The following ALDH1L1 variants were observed in gnomAD, a reference collection of about 807,000 sequenced individuals.
ALDH1L1 encodes cytosolic 10-formyltetrahydrofolate dehydrogenase.
ALDH1L1 carries 68 observed loss-of-function variants against 101.1 expected under a neutral mutation model. That is an observed-to-expected ratio of 0.67 (90% confidence interval 0.55 to 0.82). ALDH1L1 has a LOEUF of 0.82. Among genes scored for constraint, ALDH1L1 ranks in the 40% least tolerant of loss-of-function variants. ALDH1L1 has a pLI of 0.00. For synonymous variants in ALDH1L1, 486 were observed against 470.8 expected (o/e 1.03, Z -0.42); for missense variants, 1,087 against 1,172.7 (o/e 0.93, Z 1.07).
chr3:126,153,783 G>A (rs1337921839), intron 6 of ALDH1L1, among the ~76,000 whole-genome samples: 1 of 152,190 alleles, frequency 6.6e-6, no homozygotes, highest in Admixed American at 6.5e-5. Flanking sequence ...AGTGGCCTCA[G>A]GGAGCTGATG....
chr3:126,104,191 T>C, intron 22 of ALDH1L1: 1 of 334,494 alleles, frequency 3.0e-6, no homozygotes, highest in East Asian at 6.2e-5. Flanking sequence ...TCTTCTCTCA[T>C]GGCTGCCCCC....
At chr3:126,195,861 G>A (rs2081578902) in intron 1 of ALDH1L1, among the ~76,000 whole-genome samples, 1 of 152,016 alleles carries the variant, frequency 6.6e-6, no homozygotes, top group South Asian at 2.1e-4. Context: ...CTATCGCAAG[G>A]ACAAAAAACC....
At chr3:126,125,015 C>G (rs556858991) in intron 15 of ALDH1L1, among the ~76,000 whole-genome samples, 1 of 152,164 alleles carries the variant, frequency 6.6e-6, no homozygotes, top group Non-Finnish European at 1.5e-5. Flanking sequence ...AGGCAGGCAG[C>G]GGGCAGGCTG....
chr3:126,180,888 G>A (rs1231368727), upstream of ALDH1L1: 3 of 1,588,122 alleles, frequency 1.9e-6, no homozygotes, highest in Admixed American at 5.3e-5. Flanking sequence ...GGCTAAGTGG[G>A]TCAGAGGAGA....
chr3:126,112,859 T>A lies in ALDH1L1; in HGVS notation c.2104A>T (p.Asn702Tyr). 6.2e-7 allele frequency: 1 copy of A among 1,613,472 alleles called. No homozygotes were observed. Among genetic ancestry groups the A allele is most frequent in the East Asian group, 2.2e-5 (1 of 44,874 alleles). ...VQMGMSSVFF[N>Y]KGENCIAAGR... ...GCTGCAATGCAATTCTCTCCTTTGT[T>A]GAAGAAAACAGAACTCATCCCCTTC... Residue 702 changes from asparagine (N) to tyrosine (Y), a missense_variant, in exon 19 of 23, where the codon AAC (asparagine) becomes TAC (tyrosine). By Grantham distance (143) the Asn-to-Tyr change is moderately radical. Coordinates refer to ENST00000393434, the MANE Select transcript of ALDH1L1 (RefSeq NM_012190.4).
chr3:126,182,540 G>C (rs1468864033), upstream of ALDH1L1, among the ~76,000 whole-genome samples: 1 of 152,178 alleles, frequency 6.6e-6, no homozygotes, highest in Non-Finnish European at 1.5e-5. Context: ...ATTCTCCTGG[G>C]AAGTCCCCAG....
intron 3 of ALDH1L1, among the ~76,000 whole-genome samples, chr3:126,158,082 CCTGGTGCCCTCTCTGTCCCTGCGCCTT>C (rs1456513336): frequency 1.2e-3 from 184 of 152,166 alleles, no homozygotes; most frequent in Middle Eastern, 3.4e-3. Flanking sequence ...CCCTGCGCCT[CCTGGTGCCCTCTCTGTCCCTGCGCCTT>C]CTGGTGCCCT....
chr3:126,136,083 C>T (rs543904727), intron 11 of ALDH1L1, among the ~76,000 whole-genome samples: 22 of 152,310 alleles, frequency 1.4e-4, no homozygotes, highest in African/African-American at 5.1e-4. Flanking sequence ...CCTGATGCTC[C>T]GTCCCAAGGG....
chr3:126,166,254 C>T (rs778765634), intron 1 of ALDH1L1, among the ~76,000 whole-genome samples: 12 of 152,218 alleles, frequency 7.9e-5, no homozygotes, highest in Non-Finnish European at 1.3e-4. Flanking sequence ...GCATTGCTCA[C>T]GTTCATGTCC....
intron 9 of ALDH1L1, among the ~76,000 whole-genome samples, chr3:126,140,860 T>C (rs1286641376): frequency 6.6e-6 from 1 of 151,786 alleles, no homozygotes; most frequent in Non-Finnish European, 1.5e-5. Flanking sequence ...AAGGACAGTA[T>C]AGAGAAACTG....
At chr3:126,143,023 C>T (rs905696277) in intron 9 of ALDH1L1, among the ~76,000 whole-genome samples, 3 of 152,188 alleles carry the variant, frequency 2.0e-5, no homozygotes, top group South Asian at 2.1e-4. Flanking sequence ...TGAACATCAG[C>T]GCTTAGCCTA....
At chr3:126,110,214 A>G in intron 19 of ALDH1L1, 105 bp from the exon 20 acceptor site, 1 of 1,439,704 alleles carries the variant, frequency 6.9e-7, no homozygotes, top group East Asian at 2.3e-5. Flanking sequence ...GAAAGTCCAC[A>G]CTCTGTTCTA....
intron 16 of ALDH1L1, among the ~76,000 whole-genome samples, chr3:126,118,677 C>A (rs555041938): frequency 6.6e-6 from 1 of 152,314 alleles, no homozygotes; most frequent in East Asian, 1.9e-4. Context: ...AAGGTGAGGG[C>A]ACCAAACCTT....
At chr3:126,150,613 G>T (rs2080790637) in intron 7 of ALDH1L1, 82 bp from the exon 8 acceptor site, 1 of 1,457,272 alleles carries the variant, frequency 6.9e-7, no homozygotes, top group African/African-American at 1.4e-5. Flanking sequence ...GGAGTGCAGT[G>T]GTGCGATCTC....
chr3:126,131,476 C>T lies in ALDH1L1; in HGVS notation c.1531G>A (p.Ala511Thr). 6.2e-7 allele frequency: 1 copy of T among 1,613,324 alleles called. No individual in the cohort carries two copies. The highest frequency in any genetic ancestry group is 1.1e-5 in the South Asian group (1 of 91,044). The part of the protein sequence containing the change: ...EELATIEALD[A>T]GAVYTLALKT... ...AGGGCCAGCGTGTAGACGGCACCCG[C>T]ATCCAGGGCCTCAATGGTGGCCAGC... Residue 511 changes from alanine to threonine, a missense_variant, in exon 13 of 23, where the codon GCG becomes ACG. This residue lies in a region of ALDH1L1 where 442 missense variants were observed against 535.7 expected (regional missense o/e 0.83). Transcript: ENST00000393434.
chr3:126,126,607 T>C (rs1489849531), intron 14 of ALDH1L1, among the ~76,000 whole-genome samples: 1 of 152,114 alleles, frequency 6.6e-6, no homozygotes. Flanking sequence ...CCCAGGAGAT[T>C]GGGAGCACAG....
In ALDH1L1 at chr3:126,158,585, G is replaced by A. The variant is rs756520486; in HGVS notation, c.182C>T (p.Ala61Val). ...VPVFKYSRWRAKGQALPDVVA... is the reference protein window; with the variant it reads ...VPVFKYSRWRVKGQALPDVVA... ...CACATCAGGCAAAGCCTGTCCTTTT[G>A]CACGCCACCGGGAGTACTTGAATAC... The change falls in exon 3 of 23, where the codon GCA becomes GTA. Residue 61 changes from alanine (A) to valine (V), a missense_variant. By Grantham distance (64) the Ala-to-Val change is moderately conservative. Coordinates refer to ENST00000393434, the MANE Select transcript of ALDH1L1 (RefSeq NM_012190.4). 2 of 1,614,058 alleles carry A rather than the reference G, an allele frequency of 1.2e-6. No individual in the cohort carries two copies. The highest frequency in any genetic ancestry group is 2.2e-5 in the East Asian group (1 of 44,890).
Position 126,137,976 on chromosome 3 carries a change from G to C in ALDH1L1, c.1077-16C>G, listed in dbSNP as rs781753640. 28 of 1,613,882 alleles carry C rather than the reference G, an allele frequency of 1.7e-5. No individual in the cohort carries two copies. In the South Asian group the frequency reaches 3.1e-4, roughly 18 times the overall value. On this transcript the variant is annotated splice_polypyrimidine_tract_variant and intron_variant, in intron 9 of 22. Coordinates refer to ENST00000393434, the MANE Select transcript of ALDH1L1 (RefSeq NM_012190.4). The stretch of plus-strand genomic sequence containing the variant: ...CTCCACCAGCCTGGAGGAAGGAGAT[G>C]GAAAGATGGGGACACGGGAGGGGCT...
At chr3:126,143,432 C>T (rs375453470) in intron 9 of ALDH1L1, among the ~76,000 whole-genome samples, 3 of 152,152 alleles carry the variant, frequency 2.0e-5, no homozygotes, top group African/African-American at 7.2e-5. Context: ...TATCAAATGG[C>T]TCTCAATTTA....
Sources: gnomAD v4.1 joint callset for allele counts (sites outside exome capture counted in the v4.1 genomes callset) on GRCh38, gnomAD v4.1.1 for gene constraint, gnomAD v4.1.1 regional missense constraint, MANE v1.5 for transcripts, NCBI Gene and HGNC (gene_info 2026-07-23, HGNC 2026-07-21) for gene names.